The following PRG4 variants were observed in gnomAD, a reference collection of about 807,000 sequenced individuals.
PRG4 encodes proteoglycan 4.
PRG4 carries 61 observed loss-of-function variants against 91.2 expected under a neutral mutation model. That is an observed-to-expected ratio of 0.67 (90% confidence interval 0.54 to 0.83). The LOEUF (loss-of-function observed/expected upper bound fraction) is 0.83, where lower values mean the gene tolerates loss of function less well. Among genes scored for constraint, PRG4 ranks in the 40% least tolerant of loss-of-function variants. The pLI is 0.00. For missense variants in PRG4, 1,564 were observed against 1,714.2 expected (o/e 0.91, Z 1.55); for synonymous variants, 576 against 614.2 (o/e 0.94, Z 0.92).
chr1:186,306,633 CT>C lies in PRG4; in HGVS notation c.916del (p.Ser306ProfsTer8), dbSNP rs1656591842. ...QTSTDGKEKTTSAKETQSIEK... is the reference protein window; with the variant it reads ...QTSTDGKEKTXSAKETQSIEK... ...TCAACTGATGGAAAAGAGAAGACTA[CT>C]TCCGCTAAAGAGACACAAAGTATAG... On this transcript the variant is annotated frameshift_variant, in exon 7 of 13. Coordinates refer to ENST00000445192, the MANE Select transcript of PRG4 (RefSeq NM_005807.6). LOFTEE classifies it high-confidence loss of function. 6.2e-7 allele frequency: 1 copy of C among 1,613,428 alleles called. No homozygotes were observed. Among genetic ancestry groups the C allele is most frequent in the Non-Finnish European group, 8.5e-7 (1 of 1,179,662 alleles).
intron 8 of PRG4, among the ~76,000 whole-genome samples, chr1:186,310,426 C>T (rs1234181486): frequency 6.6e-6 from 1 of 152,118 alleles, no homozygotes; most frequent in Non-Finnish European, 1.5e-5. Flanking sequence ...ATTATAATTC[C>T]TTAGTTCTAA....
chr1:186,314,078 T>C lies in PRG4; in HGVS notation c.*300T>C, dbSNP rs773271444. The C allele has an allele frequency of 2.6e-6, 4 of 1,535,024 alleles. No individual in the cohort carries two copies. In the Admixed American group the frequency reaches 6.8e-5, roughly 26 times the overall value. On this transcript the variant is annotated 3_prime_UTR_variant, in exon 13 of 13. Transcript: ENST00000445192. ...AATATATCTTTTAAGAATTCAAAAC[T>C]AGTGTATTCACTTACCCTAGTTCAT...
intron 4 of PRG4, among the ~76,000 whole-genome samples, chr1:186,303,370 G>A (rs1656342122): frequency 6.6e-6 from 1 of 151,242 alleles, no homozygotes. Context: ...GTTGCGGGGA[G>A]CAGCATGATT....
At chr1:186,299,154 G>A (rs1029633471) in intron 2 of PRG4, among the ~76,000 whole-genome samples, 11 of 152,162 alleles carry the variant, frequency 7.2e-5, no homozygotes, top group African/African-American at 2.7e-4. Flanking sequence ...TTAAGGTGGT[G>A]TTTTCCAAAT....
chr1:186,312,764 T>TA lies in PRG4; in HGVS notation c.3992-4dup. 1 of 1,612,684 alleles carries TA rather than the reference T, an allele frequency of 6.2e-7. No homozygotes were observed. Among genetic ancestry groups the TA allele is most frequent in the Non-Finnish European group, 8.5e-7 (1 of 1,178,750 alleles). On this transcript the variant is annotated splice_polypyrimidine_tract_variant and splice_region_variant and intron_variant, in intron 11 of 12. Transcript: ENST00000445192. The stretch of plus-strand genomic sequence containing the variant: ...GGTATCTTTTATTAAACATGCCACT[T>TA]ACAGGTGTCCTTCATAATGAAGTTA...
intron 8 of PRG4, among the ~76,000 whole-genome samples, chr1:186,310,803 A>G (rs571305778): frequency 4.1e-4 from 63 of 152,046 alleles, no homozygotes; most frequent in African/African-American, 1.4e-3. Context: ...ACCTGGCCCA[A>G]CCAATAGGCT....
chr1:186,301,545 TG>T (rs759155311), intron 3 of PRG4, 46 bp from the exon 4 acceptor site: 8 of 1,612,282 alleles, frequency 5.0e-6, no homozygotes, highest in Non-Finnish European at 6.8e-6. Flanking sequence ...TACGTGGGCC[TG>T]GCTTCACAAT....
At chr1:186,304,283 A>G (rs767193220) in intron 5 of PRG4, 26 bp downstream of exon 5, 2 of 1,602,494 alleles carry the variant, frequency 1.2e-6, no homozygotes, top group South Asian at 1.1e-5. Context: ...ATATAATCAA[A>G]GGAGCTTTCT....
chr1:186,301,434 T>A (rs1255751790), intron 3 of PRG4, among the ~76,000 whole-genome samples, 158 bp from the exon 4 acceptor site: 1 of 152,184 alleles, frequency 6.6e-6, no homozygotes, highest in East Asian at 1.9e-4. Flanking sequence ...TGGGATACCA[T>A]CTAATTTTTC....
chr1:186,296,973 C>G, intron 2 of PRG4, 22 bp downstream of exon 2: 2 of 1,587,970 alleles, frequency 1.3e-6, no homozygotes. Flanking sequence ...ATCGAACATA[C>G]TTTTATTTAA....
At chr1:186,301,917 C>A (rs1399822172) in intron 4 of PRG4, among the ~76,000 whole-genome samples, 1 of 152,182 alleles carries the variant, frequency 6.6e-6, no homozygotes, top group Non-Finnish European at 1.5e-5. Flanking sequence ...CTCAGCCAGG[C>A]TCCAAGAGTA....
In PRG4 at chr1:186,307,567, T is replaced by A; in HGVS notation, c.1848T>A (p.Thr616=). 1 of 1,572,906 alleles carries A rather than the reference T, an allele frequency of 6.4e-7. No individual in the cohort carries two copies. The part of the protein sequence containing the change: ...KEPAPTTPKE[T]APTTPKKLTP... Reference sequence around the variant, plus strand: ...CTGCCCCAACTACCCCCAAGGAGACTGCACCCACCACCCCCAAGAAGCTCA... The same window carrying A: ...CTGCCCCAACTACCCCCAAGGAGACAGCACCCACCACCCCCAAGAAGCTCA... Residue 616 remains threonine, a synonymous_variant, in exon 7 of 13, where the codon ACT becomes ACA. Coordinates refer to ENST00000445192, the MANE Select transcript of PRG4 (RefSeq NM_005807.6).
At chr1:186,309,913 T>C (rs1312549189) in intron 8 of PRG4, 43 bp downstream of exon 8, 1 of 1,552,232 alleles carries the variant, frequency 6.4e-7, no homozygotes, top group South Asian at 1.1e-5. Context: ...TCATTCTGTT[T>C]TGGCATTTAT....
chr1:186,309,086 G>T lies in PRG4; in HGVS notation c.3367G>T (p.Asp1123Tyr). 6.2e-7 allele frequency: 1 copy of T among 1,613,920 alleles called. No individual in the cohort carries two copies. The highest frequency in any genetic ancestry group is 8.5e-7 in the Non-Finnish European group (1 of 1,179,934). ...CATGCCTGAAGTTACTCCCGACATGGATTACTTACCGAGAGTACCCAATCA... is the reference window on the plus strand; with the variant it reads ...CATGCCTGAAGTTACTCCCGACATGTATTACTTACCGAGAGTACCCAATCA... ...VFMPEVTPDM[D>Y]YLPRVPNQGI... Residue 1123 changes from aspartate to tyrosine, a missense_variant, in exon 7 of 13, where the codon GAT (aspartate) becomes TAT (tyrosine). Asp to Tyr is a radical substitution (Grantham distance 160, BLOSUM62 -3). Coordinates refer to ENST00000445192, the MANE Select transcript of PRG4 (RefSeq NM_005807.6).
Position 186,312,870 on chromosome 1 carries a change from T to A in PRG4, c.4093T>A (p.Tyr1365Asn). 9 of 1,612,570 alleles carry A rather than the reference T, an allele frequency of 5.6e-6. No individual in the cohort carries two copies. Among genetic ancestry groups the A allele is most frequent in the Non-Finnish European group, 7.6e-6 (9 of 1,178,586 alleles). The change falls in exon 12 of 13, where the codon TAT (tyrosine) becomes AAT (asparagine). Residue 1365 changes from tyrosine (Y) to asparagine (N), a missense_variant. Tyr to Asn is a moderately radical substitution (Grantham distance 143). Around this residue, in one of 3 missense-constraint regions of PRG4, gnomAD observed 1,079 missense variants for 1,162.2 expected, o/e 0.93. Transcript: ENST00000445192. Reference sequence around the variant, plus strand: ...GCCCAACATCAGAAAACCTGACGGCTATGATTACTATGCCTTTTCTAAAGG... The same window carrying A: ...GCCCAACATCAGAAAACCTGACGGCAATGATTACTATGCCTTTTCTAAAGG... ...SLPNIRKPDG[Y>N]DYYAFSKDQY...
At position 186,307,289 on chromosome 1, in the gene PRG4, C is replaced by A. The variant is rs1557945850; in HGVS notation, c.1570C>A (p.Pro524Thr). Residue 524 changes from proline (P) to threonine (T), a missense_variant, in exon 7 of 13, where the codon CCC becomes ACC. Pro to Thr is a conservative substitution (Grantham distance 38, BLOSUM62 -1). Transcript: ENST00000445192. ...ACCCACCACTCCCAAGGAGCCTGCACCCACCACCACCAAGTCTGCACCCAC... is the reference window on the plus strand; with the variant it reads ...ACCCACCACTCCCAAGGAGCCTGCAACCACCACCACCAAGTCTGCACCCAC... Reference protein sequence around the residue: ...PSPTTPKEPAPTTTKSAPTTT... With the variant: ...PSPTTPKEPATTTTKSAPTTT... 6.3e-7 allele frequency: 1 copy of A among 1,595,460 alleles called. No individual in the cohort carries two copies. Among genetic ancestry groups the A allele is most frequent in the African/African-American group, 1.4e-5 (1 of 69,054 alleles).
chr1:186,312,517 T>A (rs981423565), intron 11 of PRG4, 145 bp downstream of exon 11: 2 of 877,022 alleles, frequency 2.3e-6, no homozygotes, highest in Non-Finnish European at 1.7e-6. Context: ...TCCACTTGCC[T>A]TAGTGAATAA....
chr1:186,299,843 C>A (rs1317598409), intron 2 of PRG4, among the ~76,000 whole-genome samples: 1 of 152,172 alleles, frequency 6.6e-6, no homozygotes, highest in African/African-American at 2.4e-5. Context: ...CCTCTTTAGG[C>A]AAAGCCATTA....
At chr1:186,299,172 A>T (rs1656041191) in intron 2 of PRG4, among the ~76,000 whole-genome samples, 1 of 152,198 alleles carries the variant, frequency 6.6e-6, no homozygotes, top group Admixed American at 6.5e-5. Context: ...AATGACTTTT[A>T]AAAAATATTT....
Sources: allele counts gnomAD v4.1 joint callset (sites outside exome capture counted in the v4.1 genomes callset), GRCh38; gene constraint gnomAD v4.1.1; regional missense constraint gnomAD v4.1.1; transcripts MANE v1.5; gene names NCBI Gene and HGNC (gene_info 2026-07-23, HGNC 2026-07-21).